Variants in RNF212 observed in about 807,000 individuals in gnomAD.
RNF212 encodes the protein ring finger protein 212, also known as probable E3 SUMO-protein ligase RNF212.
RNF212 carries 33 observed loss-of-function variants against 34.7 expected under a neutral mutation model. That is an observed-to-expected ratio of 0.95 (90% CI 0.72 to 1.27). The LOEUF (loss-of-function observed/expected upper bound fraction) is 1.27, where lower values mean the gene tolerates loss of function less well. Among genes scored for constraint, RNF212 ranks in the 50% most tolerant of loss-of-function variants. The pLI, the probability that RNF212 is intolerant of heterozygous loss-of-function variation, is 0.00. For missense variants in RNF212, 377 were observed against 362.2 expected (o/e 1.04, Z -0.33); for synonymous variants, 140 against 136.1 (o/e 1.03, Z -0.20).
In RNF212 at chr4:1,111,013, GC is replaced by G. The variant is rs559945748; in HGVS notation, c.109+2342del. Among the ~76,000 whole-genome samples, 277 of 152,232 alleles carry G rather than the reference GC, an allele frequency of 1.8e-3. 1 individual carries two copies. Among genetic ancestry groups the G allele is most frequent in the African/African-American group, 6.3e-3 (263 of 41,536 alleles). ...GACCTCAAAAGCTATGACGCTCTGA[GC>G]CCTGTCTTCACACTTCCCAGCACCA... On this transcript the variant is annotated intron_variant, in intron 1 of 9. Coordinates refer to ENST00000433731, the MANE Select transcript of RNF212 (RefSeq NM_001131034.4).
intron 4 of RNF212, 70 bp from the exon 5 acceptor site, chr4:1,086,024 C>G (rs1326990998): frequency 8.6e-7 from 1 of 1,158,320 alleles, no homozygotes; most frequent in African/African-American, 1.5e-5. Context: ...CTCTAAATTT[C>G]TTAAACCTTG....
chr4:1,107,758 A>G (rs1273952722), intron 2 of RNF212, among the ~76,000 whole-genome samples: 6 of 152,152 alleles, frequency 3.9e-5, no homozygotes, highest in African/African-American at 1.4e-4. Context: ...CAGGACTTAC[A>G]CATTTGCCAT....
Position 1,090,809 on chromosome 4 carries a change from C to T in RNF212, c.276G>A (p.Lys92=). Residue 92 remains lysine, a synonymous_variant, in exon 4 of 10, where the codon AAG becomes AAA. Transcript: ENST00000433731. ...QILEFQEKHR[K]RLLAFYREKI... is the part of the protein sequence containing the mutation. The stretch of plus-strand genomic sequence containing the variant: ...TTTCTCTATAGAAGGCTAACAATCT[C>T]TTCCTGTGTTTTTCTTGAAATTCTA... 6.3e-7 allele frequency: 1 copy of T among 1,595,186 alleles called. No homozygotes were observed. The highest frequency in any genetic ancestry group is 1.3e-5 in the African/African-American group (1 of 74,622).
In RNF212 at chr4:1,113,353, G is replaced by C; in HGVS notation, c.109+3C>G. 6.5e-7 allele frequency: 1 copy of C among 1,534,214 alleles called. No individual in the cohort carries two copies. Among genetic ancestry groups the C allele is most frequent in the Non-Finnish European group, 8.7e-7 (1 of 1,143,822 alleles). ...CTCCAGCCTGCGTTCGGGAAGCCCT[G>C]ACCTTTGCCGAGGCAGGCGTCGCAG... is the stretch of plus-strand genomic sequence containing the variant. On this transcript the variant is annotated splice_donor_region_variant and intron_variant, in intron 1 of 9. Transcript: ENST00000433731.
intron 3 of RNF212, among the ~76,000 whole-genome samples, chr4:1,066,301 C>T (rs1718092134): frequency 6.6e-6 from 1 of 152,146 alleles, no homozygotes; most frequent in Non-Finnish European, 1.5e-5. Context: ...CATTTGTGTA[C>T]TTTGCCTATT....
At chr4:1,106,028 G>A (rs538628097) in intron 2 of RNF212, among the ~76,000 whole-genome samples, 10 of 152,258 alleles carry the variant, frequency 6.6e-5, no homozygotes, top group Non-Finnish European at 1.5e-4. Flanking sequence ...CTCCTGGAAA[G>A]TTGGGATGCA....
intron 5 of RNF212, 88 bp from the exon 6 acceptor site, chr4:1,081,707 G>A: frequency 1.1e-6 from 1 of 909,152 alleles, no homozygotes; most frequent in South Asian, 1.4e-5. Context: ...AGAAGGCTCT[G>A]AATCAGTGAA....
At chr4:1,103,426 G>A (rs1237430744) in intron 2 of RNF212, among the ~76,000 whole-genome samples, 1 of 152,078 alleles carries the variant, frequency 6.6e-6, no homozygotes, top group Non-Finnish European at 1.5e-5. Flanking sequence ...ACCAAAATGT[G>A]GAAAGAGCAT....
chr4:1,073,232 C>G, intron 9 of RNF212, 39 bp from the exon 10 acceptor site: 1 of 1,601,784 alleles, frequency 6.2e-7, no homozygotes, highest in Non-Finnish European at 8.5e-7. Flanking sequence ...GGGGAGATGG[C>G]CTGTGTGGGC....
chr4:1,086,060 G>A (rs1721111827), intron 4 of RNF212, 106 bp from the exon 5 acceptor site: 1 of 832,878 alleles, frequency 1.2e-6, no homozygotes, highest in African/African-American at 1.7e-5. Flanking sequence ...TACTCTGCAT[G>A]GAGTTGCCCT....
rs1336806678 is a variant in RNF212 at position 1,072,874 on chromosome 4, T to C, written c.894A>G (p.Ter298TrpextTer5). Reference protein sequence around the residue: ...LCQFERKKSF* With the variant: ...LCQFERKKSFW ...TCATTAATAGTCACATAAATGCAAA[T>C]CAAAATGACTTTTTCCTTTCAAATT... The change falls in exon 10 of 10, where the codon TGA becomes TGG. Residue 298 changes from the stop codon to tryptophan (W), a stop_lost. Transcript: ENST00000433731. The C allele has an allele frequency of 1.9e-6, 3 of 1,590,634 alleles. No homozygotes were observed. In the South Asian group the frequency reaches 3.4e-5, roughly 18 times the overall value.
chr4:1,106,793 G>A (rs1412991346), intron 2 of RNF212, among the ~76,000 whole-genome samples: 1 of 152,200 alleles, frequency 6.6e-6, no homozygotes, highest in East Asian at 1.9e-4. Flanking sequence ...CCACATGTGT[G>A]GAGGAAAAGA....
At position 1,064,033 on chromosome 4, in the gene RNF212, T is replaced by C. The variant is rs1198680938; in HGVS notation, n.148-5640A>G. Among the ~76,000 whole-genome samples, 4 of 149,530 alleles carry C rather than the reference T, an allele frequency of 2.7e-5. No homozygotes were observed. The East Asian group carries it at 5.9e-4, about 22-fold the overall frequency. ...GACATTCAAATATGGAAAAAAAAAA[T>C]GAAGAGAACTGACTTCTAGCCAATC... On this transcript the variant is annotated intron_variant and non_coding_transcript_variant, in intron 3 of 4. Transcript: ENST00000503206.
intron 8 of RNF212, among the ~76,000 whole-genome samples, chr4:1,074,581 C>A (rs1718974773): frequency 1.3e-5 from 2 of 152,140 alleles, no homozygotes; most frequent in Non-Finnish European, 2.9e-5. Flanking sequence ...ACACCCTTGG[C>A]CCTACCCTGC....
intron 3 of RNF212, chr4:1,093,774 T>A (rs1553809572): frequency 6.5e-7 from 1 of 1,536,276 alleles, no homozygotes; most frequent in Non-Finnish European, 8.7e-7. Context: ...TGAATGAGGG[T>A]CCTGCTGGGA....
chr4:1,110,195 T>C (rs1257937378), intron 1 of RNF212, among the ~76,000 whole-genome samples: 3 of 152,106 alleles, frequency 2.0e-5, no homozygotes, highest in Non-Finnish European at 4.4e-5. Flanking sequence ...GATCTATAAA[T>C]AGTGCTCACT....
chr4:1,064,372 TAATA>T (rs1717950695), intron 3 of RNF212, among the ~76,000 whole-genome samples: 1 of 152,192 alleles, frequency 6.6e-6, no homozygotes, highest in Non-Finnish European at 1.5e-5. Flanking sequence ...ATCACTGAAA[TAATA>T]AAGCACACAG....
intron 4 of RNF212, among the ~76,000 whole-genome samples, chr4:1,089,553 AG>A (rs1206148245): frequency 6.6e-6 from 1 of 152,172 alleles, no homozygotes; most frequent in African/African-American, 2.4e-5. Context: ...ACTGCTGGGA[AG>A]GTATGATTGT....
At chr4:1,099,496 G>A (rs1442142908) in intron 2 of RNF212, among the ~76,000 whole-genome samples, 1 of 152,176 alleles carries the variant, frequency 6.6e-6, no homozygotes, top group Non-Finnish European at 1.5e-5. Context: ...TGTGGCTCCA[G>A]GAGCGGGGCG....
Sources: gnomAD v4.1 joint callset for allele counts (sites outside exome capture counted in the v4.1 genomes callset) on GRCh38, gnomAD v4.1.1 for gene constraint, MANE v1.5 for transcripts, NCBI Gene and HGNC (gene_info 2026-07-23, HGNC 2026-07-21) for gene names.